The following FBXL17 variants were observed in gnomAD, a reference collection of about 807,000 sequenced individuals.
The protein encoded by FBXL17 is F-box/LRR-repeat protein 17.
A neutral mutation model predicts 66.2 loss-of-function variants in FBXL17; 22 were observed. The ratio of observed to expected loss-of-function variants is 0.33; its 90% CI spans 0.24 to 0.47. The LOEUF is 0.47. Among genes scored for constraint, FBXL17 ranks in the 20% least tolerant of loss-of-function variants. FBXL17 has a pLI of 1.00. For synonymous variants in FBXL17, 474 were observed against 400.5 expected (o/e 1.18, Z -2.19); for missense variants, 878 against 948.2 (o/e 0.93, Z 0.97).
intron 4 of FBXL17, among the ~76,000 whole-genome samples, chr5:108,346,253 A>G (rs535528093): frequency 1.3e-5 from 2 of 152,246 alleles, no homozygotes; most frequent in Admixed American, 1.3e-4. Context: ...AATAAACTTA[A>G]ATGGGAAGAA....
Position 108,053,717 on chromosome 5 carries a change from T to C in FBXL17, c.1746-32716A>G, listed in dbSNP as rs146145366. Among the ~76,000 whole-genome samples, 119 of 152,292 alleles carry C rather than the reference T, an allele frequency of 7.8e-4. 1 individual carries two copies. The East Asian group carries it at 0.022, about 28-fold the overall frequency. On this transcript the variant is annotated intron_variant, in intron 6 of 8. Coordinates refer to ENST00000542267, the MANE Select transcript of FBXL17 (RefSeq NM_001163315.3). ...AGACAGTATGGCAATTCCTCAAGGA[T>C]CTAGAACCAGAAATACCATTTGACC...
intron 4 of FBXL17, among the ~76,000 whole-genome samples, chr5:108,284,929 G>C (rs2966824): frequency 0.15 from 22,215 of 151,784 alleles, 1,925 homozygotes; most frequent in South Asian, 0.33. Context: ...GATGCTGTTT[G>C]ATCATATTTT....
intron 7 of FBXL17, among the ~76,000 whole-genome samples, chr5:108,019,770 T>C (rs1754518214): frequency 6.6e-6 from 1 of 151,906 alleles, no homozygotes; most frequent in African/African-American, 2.4e-5. Flanking sequence ...CATGTCTAAG[T>C]AGCAATCTAA....
At chr5:108,016,928 C>T (rs186600217) in intron 7 of FBXL17, among the ~76,000 whole-genome samples, 295 of 151,994 alleles carry the variant, frequency 1.9e-3, no homozygotes, top group African/African-American at 6.9e-3. Context: ...TACAGGCATG[C>T]GTCACCACGC....
intron 7 of FBXL17, among the ~76,000 whole-genome samples, chr5:107,948,872 C>G (rs1408901790): frequency 6.6e-6 from 1 of 152,192 alleles, no homozygotes; most frequent in South Asian, 2.1e-4. Flanking sequence ...TGAGTGTTAA[C>G]TATTTGAAAA....
intron 5 of FBXL17, among the ~76,000 whole-genome samples, chr5:108,188,670 G>T (rs1753337891): frequency 6.6e-6 from 1 of 152,136 alleles, no homozygotes; most frequent in Non-Finnish European, 1.5e-5. Flanking sequence ...TCAGGCAACT[G>T]ACCAGTCAGA....
chr5:108,172,779 C>T (rs892137326), intron 6 of FBXL17, among the ~76,000 whole-genome samples: 1 of 151,972 alleles, frequency 6.6e-6, no homozygotes, highest in African/African-American at 2.4e-5. Context: ...ATATTTTTAC[C>T]TACAAGAGCA....
At chr5:108,260,787 A>G (rs1756783587) in intron 4 of FBXL17, among the ~76,000 whole-genome samples, 3 of 152,120 alleles carry the variant, frequency 2.0e-5, no homozygotes, top group African/African-American at 4.8e-5. Context: ...AGGACCAAGA[A>G]AGATTCCGCT....
intron 6 of FBXL17, among the ~76,000 whole-genome samples, chr5:108,025,973 A>G (rs1465631128): frequency 6.6e-6 from 1 of 152,188 alleles, no homozygotes; most frequent in East Asian, 1.9e-4. Flanking sequence ...TTTACTGAAG[A>G]ATAATCCAAT....
chr5:107,862,148 T>G (rs1384949096), intron 8 of FBXL17, among the ~76,000 whole-genome samples: 1 of 152,138 alleles, frequency 6.6e-6, no homozygotes, highest in African/African-American at 2.4e-5. Context: ...ATCTTAACAA[T>G]GTCCATTGAA....
intron 5 of FBXL17, among the ~76,000 whole-genome samples, chr5:108,187,898 A>G (rs1212606289): frequency 6.6e-6 from 1 of 152,202 alleles, no homozygotes; most frequent in Non-Finnish European, 1.5e-5. Flanking sequence ...TTAAACTCCA[A>G]GAGAAGACTA....
At chr5:107,924,502 G>A (rs935027047) in intron 7 of FBXL17, among the ~76,000 whole-genome samples, 3 of 152,058 alleles carry the variant, frequency 2.0e-5, no homozygotes, top group Admixed American at 1.3e-4. Flanking sequence ...AATAAGATGG[G>A]TTAAAAAAAT....
chr5:108,047,064 C>T (rs990369833), intron 6 of FBXL17, among the ~76,000 whole-genome samples: 2 of 152,110 alleles, frequency 1.3e-5, no homozygotes, highest in Admixed American at 6.5e-5. Flanking sequence ...TGGGAGGCTA[C>T]CATGAAAAAG....
intron 6 of FBXL17, among the ~76,000 whole-genome samples, chr5:108,083,830 G>A (rs1403252041): frequency 6.6e-6 from 1 of 152,094 alleles, no homozygotes; most frequent in African/African-American, 2.4e-5. Flanking sequence ...CAACAAAACA[G>A]AGCAGACAGC....
intron 4 of FBXL17, among the ~76,000 whole-genome samples, chr5:108,272,380 G>C (rs1246230249): frequency 6.7e-6 from 1 of 150,150 alleles, no homozygotes; most frequent in African/African-American, 2.4e-5. Context: ...TTGAGACAGG[G>C]TCTCACTCTG....
intron 7 of FBXL17, among the ~76,000 whole-genome samples, chr5:107,883,760 T>C (rs1010904828): frequency 2.6e-5 from 4 of 152,160 alleles, no homozygotes; most frequent in South Asian, 2.1e-4. Flanking sequence ...AACATATCCA[T>C]TGAATACAGC....
At chr5:108,302,074 C>T (rs1758614814) in intron 4 of FBXL17, 1 of 976,534 alleles carries the variant, frequency 1.0e-6, no homozygotes, top group Admixed American at 6.2e-5. Context: ...AAAAACATGC[C>T]ACAAATGTGG....
chr5:108,097,874 G>C (rs1749443220), intron 6 of FBXL17, among the ~76,000 whole-genome samples: 1 of 151,648 alleles, frequency 6.6e-6, no homozygotes, highest in Non-Finnish European at 1.5e-5. Context: ...ATAATTCTCT[G>C]AATAACATTT....
chr5:108,186,201 T>C lies in FBXL17; in HGVS notation c.1661A>G (p.Asp554Gly). The C allele has an allele frequency of 6.2e-7, 1 of 1,612,808 alleles. No individual in the cohort carries two copies. Among genetic ancestry groups the C allele is most frequent in the Non-Finnish European group, 8.5e-7 (1 of 1,178,946 alleles). Residue 554 changes from aspartate to glycine, a missense_variant, in exon 6 of 9, where the codon GAT becomes GGT. By Grantham distance (94) the Asp-to-Gly change is moderately conservative. Transcript: ENST00000542267. Reference sequence around the variant, plus strand: ...GACAATTTCCATCACGGTTTCATTATCCAGTTCAGTGATATGACGTAGGTC... The same window carrying C: ...GACAATTTCCATCACGGTTTCATTACCCAGTTCAGTGATATGACGTAGGTC... Reference protein sequence around the residue: ...SLDLRHITELDNETVMEIVKR... With the variant: ...SLDLRHITELGNETVMEIVKR...
Sources: allele counts gnomAD v4.1 joint callset (sites outside exome capture counted in the v4.1 genomes callset), GRCh38; gene constraint gnomAD v4.1.1; transcripts MANE v1.5; gene names NCBI Gene and HGNC (gene_info 2026-07-23, HGNC 2026-07-21).